Variants in PCDH15 observed in about 807,000 individuals in gnomAD.
PCDH15 encodes the protein protocadherin related 15.
Under a neutral mutation model 178.5 loss-of-function variants are expected in PCDH15, and 129 were observed. The observed-to-expected ratio is 0.72, with a 90% confidence interval of 0.63 to 0.84. The LOEUF (loss-of-function observed/expected upper bound fraction) is 0.84. Among genes scored for constraint, PCDH15 ranks in the 40% least tolerant of loss-of-function variants. The pLI is 0.00. For synonymous variants in PCDH15, 800 were observed against 732.0 expected (o/e 1.09, Z -1.50); for missense variants, 2,230 against 2,099.9 (o/e 1.06, Z -1.21).
intron 1 of PCDH15, among the ~76,000 whole-genome samples, chr10:55,194,616 T>C (rs571996352): frequency 1.3e-5 from 2 of 152,226 alleles, no homozygotes; most frequent in East Asian, 3.9e-4. Context: ...TATCATTTTA[T>C]GCTTATTATT....
At chr10:54,165,804 T>C (rs1488566174) in intron 13 of PCDH15, among the ~76,000 whole-genome samples, 1 of 152,146 alleles carries the variant, frequency 6.6e-6, no homozygotes, top group Non-Finnish European at 1.5e-5. Context: ...AATAATTGGA[T>C]CCATTTATTC....
At chr10:54,236,030 C>A (rs900916214) in intron 9 of PCDH15, among the ~76,000 whole-genome samples, 1 of 152,044 alleles carries the variant, frequency 6.6e-6, no homozygotes, top group Non-Finnish European at 1.5e-5. Flanking sequence ...TTTGTATATG[C>A]ACATAGGCTT....
intron 13 of PCDH15, among the ~76,000 whole-genome samples, chr10:54,165,175 T>C (rs907472933): frequency 6.9e-6 from 1 of 144,102 alleles, no homozygotes; most frequent in Non-Finnish European, 1.5e-5. Flanking sequence ...TGTGAACAAG[T>C]GATGCTTTAA....
At position 55,230,885 on chromosome 10, in the gene PCDH15, T is replaced by C. The variant is rs771582249; in HGVS notation, c.-155-64234A>G. ...GTGGCAGAAGCTGAGATTGAAGGGGTTGTTAATGGTCATACATTGAAAGGC... is the reference window on the plus strand; with the variant it reads ...GTGGCAGAAGCTGAGATTGAAGGGGCTGTTAATGGTCATACATTGAAAGGC... On this transcript the variant is annotated intron_variant, in intron 1 of 5. Coordinates refer to the PCDH15 transcript ENST00000458638. 1.1e-4 allele frequency among the ~76,000 whole-genome samples: 16 copies of C among 151,852 alleles called. 1 individual carries two copies. The highest frequency in any genetic ancestry group is 1.5e-4 in the Non-Finnish European group (10 of 67,932).
intron 1 of PCDH15, among the ~76,000 whole-genome samples, chr10:54,792,814 T>C (rs916798140): frequency 6.6e-6 from 1 of 151,902 alleles, no homozygotes; most frequent in Non-Finnish European, 1.5e-5. Context: ...CTATTCATTC[T>C]GTATCTCCAG....
chr10:53,805,743 T>A lies in PCDH15; in HGVS notation c.*836A>T, dbSNP rs895235895. ...CTCACCATGTCTTCCATTATGAAATTGTCGTTCTAGATGCATTACTGCTTA... is the reference window on the plus strand; with the variant it reads ...CTCACCATGTCTTCCATTATGAAATAGTCGTTCTAGATGCATTACTGCTTA... On this transcript the variant is annotated 3_prime_UTR_variant, in exon 38 of 38. Coordinates refer to ENST00000644397, the MANE Select transcript of PCDH15 (RefSeq NM_001384140.1). 1 of 152,148 alleles carries A rather than the reference T, an allele frequency of 6.6e-6. No homozygotes were observed. The highest frequency in any genetic ancestry group is 1.5e-5 in the Non-Finnish European group (1 of 68,020). The allele number at this position is 152,148 out of a possible 1,614,324, so 9.4% of individuals were successfully genotyped here.
At chr10:55,557,862 G>A (rs907961791) in intron 2 of PCDH15, among the ~76,000 whole-genome samples, 1 of 152,134 alleles carries the variant, frequency 6.6e-6, no homozygotes, top group Non-Finnish European at 1.5e-5. Context: ...GAGTTTGGAG[G>A]TTTACTTAGT....
chr10:54,130,898 TA>T (rs1179295641), intron 15 of PCDH15, among the ~76,000 whole-genome samples: 1 of 152,154 alleles, frequency 6.6e-6, no homozygotes, highest in Non-Finnish European at 1.5e-5. Context: ...GTCACTAGTT[TA>T]AATGTAGTCT....
intron 15 of PCDH15, among the ~76,000 whole-genome samples, chr10:54,097,868 G>C (rs995688026): frequency 2.1e-4 from 32 of 152,086 alleles, no homozygotes; most frequent in African/African-American, 7.7e-4. Context: ...GGAGGGCATG[G>C]GACATTCTGG....
intron 1 of PCDH15, among the ~76,000 whole-genome samples, chr10:54,713,046 G>A (rs2095442045): frequency 6.6e-6 from 1 of 151,938 alleles, no homozygotes; most frequent in Non-Finnish European, 1.5e-5. Flanking sequence ...CATAGGTAAT[G>A]GGCATCATAA....
At chr10:54,361,787 T>A in intron 5 of PCDH15, among the ~76,000 whole-genome samples, 1 of 152,098 alleles carries the variant, frequency 6.6e-6, no homozygotes, top group East Asian at 1.9e-4. Context: ...CACTTTCAGA[T>A]TTTAAGACTC....
chr10:53,974,705 T>C (rs982237585), intron 21 of PCDH15, among the ~76,000 whole-genome samples: 2 of 152,168 alleles, frequency 1.3e-5, no homozygotes, highest in Admixed American at 6.5e-5. Context: ...TCTATTTAGC[T>C]GATTCGTTTA....
intron 23 of PCDH15, among the ~76,000 whole-genome samples, chr10:53,957,504 T>TTTTTTG (rs2087742682): frequency 5.8e-5 from 1 of 17,340 alleles, no homozygotes; most frequent in Admixed American, 1.3e-3. Flanking sequence ...ATTTACTATG[T>TTTTTTG]TTTTTTTTTT....
intron 26 of PCDH15, among the ~76,000 whole-genome samples, chr10:53,885,027 G>A (rs1025293226): frequency 6.6e-6 from 1 of 152,122 alleles, no homozygotes; most frequent in Middle Eastern, 3.4e-3. Context: ...ATATTTTATA[G>A]GTAATTCATT....
At chr10:54,271,258 T>C (rs1310892733) in intron 8 of PCDH15, among the ~76,000 whole-genome samples, 2 of 152,170 alleles carry the variant, frequency 1.3e-5, no homozygotes, top group African/African-American at 2.4e-5. Flanking sequence ...TCACCTAGGC[T>C]GAAGTACAAT....
chr10:54,909,044 T>G (rs11004627), intron 2 of PCDH15, among the ~76,000 whole-genome samples: 17,110 of 152,172 alleles, frequency 0.11, 1,320 homozygotes, highest in East Asian at 0.23. Flanking sequence ...AGAGGGTAGT[T>G]TCTCTCTGCA....
At chr10:55,161,079 C>T (rs2589452) in intron 2 of PCDH15, among the ~76,000 whole-genome samples, 2 of 151,870 alleles carry the variant, frequency 1.3e-5, no homozygotes, top group African/African-American at 2.4e-5. Context: ...CCATAGAGCT[C>T]GTTCCCTGAG....
At chr10:54,368,713 T>C (rs1947176491) in intron 5 of PCDH15, among the ~76,000 whole-genome samples, 1 of 152,002 alleles carries the variant, frequency 6.6e-6, no homozygotes, top group Admixed American at 6.6e-5. Flanking sequence ...AAAATAACTT[T>C]ACATTTATAG....
chr10:55,075,800 G>T (rs1446859344), intron 2 of PCDH15, among the ~76,000 whole-genome samples: 3 of 150,786 alleles, frequency 2.0e-5, no homozygotes, highest in African/African-American at 7.3e-5. Flanking sequence ...TTTGTTCTTG[G>T]TTTCCTAGTT....
Sources: gnomAD v4.1 joint callset for allele counts (sites outside exome capture counted in the v4.1 genomes callset) on GRCh38, gnomAD v4.1.1 for gene constraint, MANE v1.5 for transcripts, NCBI Gene and HGNC (gene_info 2026-07-23, HGNC 2026-07-21) for gene names.